HMGCLL1: variants seen among roughly 807,000 people sequenced by gnomAD.
The protein encoded by HMGCLL1 is 3-hydroxymethyl-3-methylglutaryl-CoA lyase, cytoplasmic.
In HMGCLL1, 36 loss-of-function variants were observed where a neutral mutation model predicts 39.1. The ratio of observed to expected loss-of-function variants is 0.92; its 90% CI spans 0.71 to 1.22. The LOEUF (loss-of-function observed/expected upper bound fraction) is 1.22. Ranked by LOEUF, HMGCLL1 falls within the 50% of genes most tolerant of loss-of-function variation. HMGCLL1 has a pLI of 0.00. For missense variants in HMGCLL1, 451 were observed against 416.5 expected (o/e 1.08, Z -0.72); for synonymous variants, 149 against 144.0 (o/e 1.03, Z -0.25).
intron 7 of HMGCLL1, among the ~76,000 whole-genome samples, chr6:55,483,476 G>C (rs1162043541): frequency 6.6e-6 from 1 of 152,108 alleles, no homozygotes; most frequent in East Asian, 1.9e-4. Context: ...ATGTTGCCAG[G>C]ATGGTCCCGA....
chr6:55,519,290 G>A (rs778402109), intron 3 of HMGCLL1, among the ~76,000 whole-genome samples: 2 of 151,322 alleles, frequency 1.3e-5, no homozygotes, highest in African/African-American at 2.4e-5. Flanking sequence ...AATCCATCTT[G>A]TGACAAGTTC....
the HMGCLL1 span, among the ~76,000 whole-genome samples, chr6:55,600,723 T>C: frequency 1.4e-4 from 22 of 152,268 alleles, no homozygotes; most frequent in African/African-American, 4.8e-4. Context: ...TTGAAAATCA[T>C]TTATCACAGT....
chr6:55,543,010 TA>T lies in HMGCLL1; in HGVS notation c.109-871del, dbSNP rs1245550526. Among the ~76,000 whole-genome samples, 350 of 119,618 alleles carry T rather than the reference TA, an allele frequency of 2.9e-3. 3 individuals are homozygous for T. The highest frequency in any genetic ancestry group is 0.011 in the African/African-American group (337 of 29,930). The allele number at this position is 119,618 out of a possible 152,430, so 78.5% of individuals were successfully genotyped here. On this transcript the variant is annotated intron_variant, in intron 1 of 8. Transcript: ENST00000274901. ...CAATATATATTATAAATTATTATAA[TA>T]TATCATATATAGATATATAATACAT...
intron 7 of HMGCLL1, among the ~76,000 whole-genome samples, chr6:55,470,033 G>A (rs559065460): frequency 6.6e-6 from 1 of 151,982 alleles, no homozygotes; most frequent in South Asian, 2.1e-4. Context: ...GAAATTGGCA[G>A]AGTAGCCTTC....
intron 5 of HMGCLL1, among the ~76,000 whole-genome samples, chr6:55,500,336 A>T (rs1385411658): frequency 1.3e-5 from 2 of 151,994 alleles, no homozygotes; most frequent in Non-Finnish European, 2.9e-5. Context: ...GGGCAGTGGA[A>T]GCAGATGCCA....
rs191111877 is a variant in HMGCLL1, at chr6:55,453,482, T to C, written c.796-13923A>G. On this transcript the variant is annotated intron_variant, in intron 7 of 8. Coordinates refer to ENST00000274901, the MANE Select transcript of HMGCLL1 (RefSeq NM_001042406.2). ...CTGGCCAGAAGATTTTAATGAGATGTTTATTGTAGGGGCTTTTGGGATATG... is the reference window on the plus strand; with the variant it reads ...CTGGCCAGAAGATTTTAATGAGATGCTTATTGTAGGGGCTTTTGGGATATG... Among the ~76,000 whole-genome samples the C allele has an allele frequency of 1.7e-3, 258 of 152,262 alleles. 1 individual carries two copies. Among genetic ancestry groups the C allele is most frequent in the Non-Finnish European group, 3.0e-3 (205 of 68,022 alleles).
At chr6:55,580,406 CTTTTTTTTTTTTT>C (rs145371462), upstream of HMGCLL1, among the ~76,000 whole-genome samples, 3 of 73,266 alleles carry the variant, frequency 4.1e-5, no homozygotes, top group East Asian at 4.6e-4. Flanking sequence ...TTTTTTCTTT[CTTTTTTTTTTTTT>C]TTTTTTTTTT....
chr6:55,467,984 G>A (rs1263686916), intron 7 of HMGCLL1, among the ~76,000 whole-genome samples: 1 of 151,990 alleles, frequency 6.6e-6, no homozygotes, highest in Non-Finnish European at 1.5e-5. Flanking sequence ...AATAGGCATT[G>A]TCTAGAGGTA....
At chr6:55,647,083 T>G in the HMGCLL1 span, among the ~76,000 whole-genome samples, 2 of 152,064 alleles carry the variant, frequency 1.3e-5, no homozygotes, top group African/African-American at 2.4e-5. Context: ...TGGGTTCATA[T>G]ATACTTACAA....
intron 1 of HMGCLL1, among the ~76,000 whole-genome samples, chr6:55,553,159 C>CTCTA (rs1554158756): frequency 1.5e-5 from 2 of 134,136 alleles, no homozygotes; most frequent in African/African-American, 2.8e-5. Context: ...CTCTCTCTCT[C>CTCTA]TATATATATA....
chr6:55,463,593 C>G (rs1463270085), intron 7 of HMGCLL1, among the ~76,000 whole-genome samples: 1 of 152,044 alleles, frequency 6.6e-6, no homozygotes, highest in Admixed American at 6.6e-5. Flanking sequence ...TATAATAATA[C>G]AAATATAACA....
intron 4 of HMGCLL1, among the ~76,000 whole-genome samples, chr6:55,515,279 G>C (rs1490587748): frequency 6.6e-6 from 1 of 151,106 alleles, no homozygotes; most frequent in Admixed American, 6.6e-5. Flanking sequence ...TACATGGGGG[G>C]AGAAAAACTT....
the HMGCLL1 span, among the ~76,000 whole-genome samples, chr6:55,673,233 TCTCTCTTAGTG>T: frequency 8.5e-5 from 13 of 152,052 alleles, no homozygotes; most frequent in East Asian, 1.4e-3. Flanking sequence ...GAAACTGGTT[TCTCTCTTAGTG>T]GAGAATCCAG....
intron 1 of HMGCLL1, among the ~76,000 whole-genome samples, chr6:55,543,335 CATATATG>C (rs1157505364): frequency 0.015 from 96 of 6,244 alleles, 16 homozygotes; most frequent in African/African-American, 0.033. Context: ...TATTATATAT[CATATATG>C]ATATATAATA....
At position 55,579,151 on chromosome 6, in the gene HMGCLL1, G is replaced by T; in HGVS notation, c.-96C>A. 1.1e-6 allele frequency: 1 copy of T among 914,806 alleles called. No individual in the cohort carries two copies. Among genetic ancestry groups the T allele is most frequent in the South Asian group, 1.4e-5 (1 of 70,342 alleles). The allele number at this position is 914,806 out of a possible 1,614,324, so 56.7% of individuals were successfully genotyped here. A position where few individuals can be genotyped will look rare whatever the true frequency, so the allele number is the denominator to read the frequency against. On this transcript the variant is annotated 5_prime_UTR_variant, in exon 1 of 9. Transcript: ENST00000274901. Reference sequence around the variant, plus strand: ...GGAAACTGCGCCAGCTCGGGAGCGCGCCCCTCCGGTGCACTGGCTGTGAGG... The same window carrying T: ...GGAAACTGCGCCAGCTCGGGAGCGCTCCCCTCCGGTGCACTGGCTGTGAGG...
the HMGCLL1 span, among the ~76,000 whole-genome samples, chr6:55,619,861 C>T: frequency 6.6e-6 from 1 of 152,072 alleles, no homozygotes; most frequent in African/African-American, 2.4e-5. Context: ...CTACCCATCC[C>T]AGCCTCCATT....
At chr6:55,579,508 C>A, upstream of HMGCLL1, among the ~76,000 whole-genome samples, 1 of 152,262 alleles carries the variant, frequency 6.6e-6, no homozygotes, top group Non-Finnish European at 1.5e-5. Flanking sequence ...CAGCTGCAGC[C>A]TTGGGTGCTC....
chr6:55,676,625 G>A, the HMGCLL1 span, among the ~76,000 whole-genome samples: 2 of 152,276 alleles, frequency 1.3e-5, no homozygotes, highest in Admixed American at 6.5e-5. Flanking sequence ...ATCCCATGCT[G>A]AGCATATTTT....
intron 3 of HMGCLL1, among the ~76,000 whole-genome samples, chr6:55,527,063 A>G (rs529683524): frequency 6.6e-6 from 1 of 152,094 alleles, no homozygotes; most frequent in East Asian, 1.9e-4. Context: ...GTTCTCTAAT[A>G]CCTCCTTGAT....
Sources: allele counts gnomAD v4.1 joint callset (sites outside exome capture counted in the v4.1 genomes callset), GRCh38; gene constraint gnomAD v4.1.1; transcripts MANE v1.5; gene names NCBI Gene and HGNC (gene_info 2026-07-23, HGNC 2026-07-21).